CSGALNACT1: variants seen among roughly 807,000 people sequenced by gnomAD.
The protein encoded by CSGALNACT1 is beta4GalNAcT-1.
A neutral mutation model predicts 51.0 loss-of-function variants in CSGALNACT1; 52 were observed. The observed-to-expected ratio is 1.02, with a 90% CI of 0.82 to 1.29. The LOEUF is 1.29. CSGALNACT1 is among the 50% of genes most tolerant of loss of function. The probability of loss-of-function intolerance (pLI) is 0.00; values close to 1 mark genes in which losing one functional copy is unlikely to be tolerated. For missense variants in CSGALNACT1, 935 were observed against 679.2 expected (o/e 1.38, Z -4.19); for synonymous variants, 341 against 254.4 (o/e 1.34, Z -3.24).
intron 1 of CSGALNACT1, among the ~76,000 whole-genome samples, chr8:19,719,424 A>G (rs1222139369): frequency 6.6e-6 from 1 of 152,158 alleles, no homozygotes; most frequent in Non-Finnish European, 1.5e-5. Context: ...CACATTCTTC[A>G]ATCTGTCTCT....
intron 1 of CSGALNACT1, among the ~76,000 whole-genome samples, chr8:19,735,829 A>G (rs1037008334): frequency 3.9e-5 from 6 of 152,216 alleles, no homozygotes; most frequent in Non-Finnish European, 7.3e-5. Context: ...TAATATGTCA[A>G]TTGAACATTA....
At chr8:19,626,795 G>C (rs1420493178) in intron 1 of CSGALNACT1, among the ~76,000 whole-genome samples, 1 of 152,138 alleles carries the variant, frequency 6.6e-6, no homozygotes, top group East Asian at 1.9e-4. Flanking sequence ...AAGAGAATAT[G>C]GGTGGTGAGT....
chr8:19,699,528 GC>G (rs2061750721), intron 1 of CSGALNACT1, among the ~76,000 whole-genome samples: 1 of 152,212 alleles, frequency 6.6e-6, no homozygotes, highest in Admixed American at 6.5e-5. Context: ...AGTAAAATAA[GC>G]CCATCACTAA....
chr8:19,712,030 T>C (rs1022850074), intron 1 of CSGALNACT1, among the ~76,000 whole-genome samples: 1 of 151,966 alleles, frequency 6.6e-6, no homozygotes, highest in African/African-American at 2.4e-5. Context: ...AGAGCTCTTT[T>C]ATTTTTTTCT....
At chr8:19,604,795 G>C (rs929335088), upstream of CSGALNACT1, among the ~76,000 whole-genome samples, 14 of 150,564 alleles carry the variant, frequency 9.3e-5, no homozygotes, top group Middle Eastern at 3.4e-3. Context: ...GGTGCCTGTA[G>C]TCTCAGCTAC....
intron 2 of CSGALNACT1, among the ~76,000 whole-genome samples, chr8:19,599,114 G>T (rs1564208088): frequency 6.6e-6 from 1 of 151,926 alleles, no homozygotes; most frequent in Non-Finnish European, 1.5e-5. Context: ...AACAGGTGGA[G>T]ACAAAAGCAC....
intron 5 of CSGALNACT1, among the ~76,000 whole-genome samples, chr8:19,441,270 A>C (rs1052130851): frequency 6.6e-6 from 1 of 152,230 alleles, no homozygotes; most frequent in African/African-American, 2.4e-5. Context: ...AGTCAATCCT[A>C]AGCCAAAAGA....
intron 3 of CSGALNACT1, among the ~76,000 whole-genome samples, chr8:19,560,070 A>T (rs1449534090): frequency 1.3e-5 from 2 of 152,170 alleles, no homozygotes; most frequent in Non-Finnish European, 2.9e-5. Context: ...TTGGAAATAG[A>T]CCCCCACTTA....
At chr8:19,549,164 A>T (rs1272922528) in intron 3 of CSGALNACT1, among the ~76,000 whole-genome samples, 1 of 151,760 alleles carries the variant, frequency 6.6e-6, no homozygotes, top group East Asian at 1.9e-4. Context: ...AGTGTGGAAG[A>T]TCAGGATTTA....
intron 1 of CSGALNACT1, among the ~76,000 whole-genome samples, chr8:19,664,571 T>C (rs1262726810): frequency 6.6e-6 from 1 of 152,078 alleles, no homozygotes; most frequent in Non-Finnish European, 1.5e-5. Context: ...AGCAAAGATA[T>C]GGAATCTAAG....
At chr8:19,465,107 C>T (rs185113963) in intron 4 of CSGALNACT1, among the ~76,000 whole-genome samples, 91 of 152,300 alleles carry the variant, frequency 6.0e-4, no homozygotes, top group African/African-American at 2.1e-3. Flanking sequence ...CCCCCATCAA[C>T]AGATAAATGG....
chr8:19,630,244 A>ATGTG (rs1480740436), intron 1 of CSGALNACT1, among the ~76,000 whole-genome samples: 1 of 73,788 alleles, frequency 1.4e-5, no homozygotes, highest in African/African-American at 5.1e-5. Flanking sequence ...GTGTGTGTGT[A>ATGTG]TGTGTGTGTG....
Position 19,757,393 on chromosome 8 carries a change from A to G in CSGALNACT1, c.-297+457T>C, listed in dbSNP as rs923139572. 2 of 151,966 alleles carry G rather than the reference A, an allele frequency of 1.3e-5. No individual in the cohort carries two copies. The highest frequency in any genetic ancestry group is 4.8e-5 in the African/African-American group (2 of 41,300). The allele number at this position is 151,966 out of a possible 1,614,324, so 9.4% of individuals were successfully genotyped here. A position where few individuals can be genotyped will look rare whatever the true frequency, so the allele number is the denominator to read the frequency against. On this transcript the variant is annotated intron_variant, in intron 1 of 1. Coordinates refer to the CSGALNACT1 transcript ENST00000517494. This position sits in a 1 kb window ranked among gnomAD's most constrained non-coding sequence, Gnocchi z 4.0. The stretch of plus-strand genomic sequence containing the variant: ...GCGGCCAAGCCTGGCGCCCCGCCGC[A>G]GGGTAGGTCCGGCGGGGGCGGCCAA...
chr8:19,614,164 A>G (rs190897472), intron 1 of CSGALNACT1, among the ~76,000 whole-genome samples: 6 of 152,282 alleles, frequency 3.9e-5, no homozygotes, highest in Admixed American at 2.0e-4. Flanking sequence ...TTGATCACCT[A>G]TTATATGCCA....
At chr8:19,709,593 G>A (rs560830219) in intron 1 of CSGALNACT1, among the ~76,000 whole-genome samples, 38 of 152,308 alleles carry the variant, frequency 2.5e-4, no homozygotes, top group African/African-American at 8.4e-4. Flanking sequence ...TCCTGAGGCT[G>A]GAAAGCCCTT....
intron 4 of CSGALNACT1, among the ~76,000 whole-genome samples, chr8:19,471,512 T>A (rs999170092): frequency 6.6e-6 from 1 of 152,182 alleles, no homozygotes; most frequent in African/African-American, 2.4e-5. Flanking sequence ...GAAACTTGCC[T>A]TAGTCTGTTT....
chr8:19,469,651 C>T (rs747532251), intron 4 of CSGALNACT1, among the ~76,000 whole-genome samples: 89 of 152,142 alleles, frequency 5.8e-4, no homozygotes, highest in Admixed American at 1.3e-3. Flanking sequence ...AGGTCTGGCA[C>T]GGCTACATCC....
intron 4 of CSGALNACT1, among the ~76,000 whole-genome samples, chr8:19,501,213 C>CTGCA (rs966293875): frequency 1.4e-5 from 2 of 145,044 alleles, no homozygotes; most frequent in Non-Finnish European, 3.0e-5. Flanking sequence ...TAGAATCAGC[C>CTGCA]TGCAGCCTGT....
At chr8:19,694,565 A>T (rs780758266) in intron 1 of CSGALNACT1, among the ~76,000 whole-genome samples, 1 of 152,260 alleles carries the variant, frequency 6.6e-6, no homozygotes, top group Non-Finnish European at 1.5e-5. Flanking sequence ...CTAAGCCTAC[A>T]CACACTATAT....
Sources: gnomAD v4.1 joint callset for allele counts (sites outside exome capture counted in the v4.1 genomes callset) on GRCh38, gnomAD v4.1.1 for gene constraint, Gnocchi (gnomAD v3.1) non-coding constraint, MANE v1.5 for transcripts, NCBI Gene and HGNC (gene_info 2026-07-23, HGNC 2026-07-21) for gene names.